Variants in DNM3 observed in about 807,000 individuals in gnomAD.
DNM3 encodes dynamin 3, also known as dynamin-3.
Under a neutral mutation model 101.6 loss-of-function variants are expected in DNM3, and 47 were observed. The observed-to-expected ratio is 0.46, with a 90% confidence interval of 0.37 to 0.59. The LOEUF is 0.59. DNM3 is among the 20% of genes least tolerant of loss of function. DNM3 has a pLI of 0.00. For missense variants in DNM3, 849 were observed against 1,085.7 expected, an observed-to-expected ratio of 0.78 and a Z score of 3.06; for synonymous variants, 385 against 387.9, an observed-to-expected ratio of 0.99 and a Z score of 0.09.
At chr1:172,304,867 G>A (rs1243173515) in intron 15 of DNM3, among the ~76,000 whole-genome samples, 1 of 152,084 alleles carries the variant, frequency 6.6e-6, no homozygotes, top group Non-Finnish European at 1.5e-5. Flanking sequence ...AGAATCTCTG[G>A]GACGCATTTA....
chr1:171,965,455 A>C (rs1170541981), intron 2 of DNM3, among the ~76,000 whole-genome samples: 1 of 151,028 alleles, frequency 6.6e-6, no homozygotes, highest in Non-Finnish European at 1.5e-5. Flanking sequence ...TGAAAGGCTG[A>C]GGTAGGAGGA....
intron 14 of DNM3, among the ~76,000 whole-genome samples, chr1:172,156,844 A>G (rs896556172): frequency 1.3e-5 from 2 of 152,106 alleles, no homozygotes; most frequent in Non-Finnish European, 2.9e-5. Flanking sequence ...TTAAGTTAGA[A>G]GACTTGATTC....
chr1:171,883,702 C>T (rs2036524276), intron 1 of DNM3, among the ~76,000 whole-genome samples: 1 of 152,100 alleles, frequency 6.6e-6, no homozygotes, highest in African/African-American at 2.4e-5. Context: ...GAACTCCTCA[C>T]CTTGTGATCT....
At chr1:172,416,217 G>A (rs556160740), downstream of DNM3, among the ~76,000 whole-genome samples, 1 of 152,264 alleles carries the variant, frequency 6.6e-6, no homozygotes, top group East Asian at 1.9e-4. Context: ...ATATGGGAGT[G>A]GCAATTGTAT....
chr1:172,122,916 C>T (rs16843874), intron 13 of DNM3, among the ~76,000 whole-genome samples: 1,617 of 152,206 alleles, frequency 0.011, 23 homozygotes, highest in African/African-American at 0.037. Flanking sequence ...ATGTTCCTTC[C>T]CTCACAGAAT....
chr1:172,357,708 A>T (rs2067523567), intron 17 of DNM3, among the ~76,000 whole-genome samples: 1 of 152,126 alleles, frequency 6.6e-6, no homozygotes, highest in African/African-American at 2.4e-5. Flanking sequence ...GTAAGATACT[A>T]ACATTCGAAG....
At chr1:171,931,719 T>C (rs894807391) in intron 2 of DNM3, among the ~76,000 whole-genome samples, 1 of 152,222 alleles carries the variant, frequency 6.6e-6, no homozygotes, top group Non-Finnish European at 1.5e-5. Flanking sequence ...TGTTTTATTG[T>C]ACCAATTCCA....
At chr1:172,200,527 C>T (rs1343360945) in intron 14 of DNM3, among the ~76,000 whole-genome samples, 1 of 152,150 alleles carries the variant, frequency 6.6e-6, no homozygotes, top group Admixed American at 6.5e-5. Context: ...CTCCTCTTCC[C>T]TTTCAGGGAT....
At chr1:172,389,900 G>A (rs1160039348) in intron 20 of DNM3, among the ~76,000 whole-genome samples, 1 of 152,212 alleles carries the variant, frequency 6.6e-6, no homozygotes, top group Non-Finnish European at 1.5e-5. Flanking sequence ...ATAGGCAGGA[G>A]ATTTGCAGTC....
chr1:172,344,126 A>G (rs759318109), intron 17 of DNM3, among the ~76,000 whole-genome samples: 54 of 152,228 alleles, frequency 3.5e-4, no homozygotes, highest in Non-Finnish European at 7.5e-4. Context: ...TCAAGTTTGA[A>G]AAATCAACAG....
intron 17 of DNM3, among the ~76,000 whole-genome samples, chr1:172,378,625 T>C (rs1325651946): frequency 6.6e-6 from 1 of 152,086 alleles, no homozygotes; most frequent in East Asian, 1.9e-4. Context: ...TTCTAATCTA[T>C]AGCTTCCCTG....
At chr1:171,956,033 G>A (rs1362631337) in intron 2 of DNM3, among the ~76,000 whole-genome samples, 1 of 152,154 alleles carries the variant, frequency 6.6e-6, no homozygotes, top group Non-Finnish European at 1.5e-5. Context: ...CCCATGACAT[G>A]TGGGAGTTGT....
At chr1:172,251,503 T>C (rs2062168382) in intron 14 of DNM3, among the ~76,000 whole-genome samples, 1 of 152,166 alleles carries the variant, frequency 6.6e-6, no homozygotes, top group African/African-American at 2.4e-5. Flanking sequence ...TTTAGCAATG[T>C]GTCCTCAAAG....
intron 2 of DNM3, among the ~76,000 whole-genome samples, chr1:171,960,279 C>T (rs1364657759): frequency 1.3e-5 from 2 of 152,034 alleles, no homozygotes; most frequent in Admixed American, 1.3e-4. Flanking sequence ...TTTAGATGGC[C>T]CTGCCAACAC....
intron 2 of DNM3, among the ~76,000 whole-genome samples, chr1:171,934,622 G>T (rs896941751): frequency 1.2e-4 from 18 of 152,176 alleles, no homozygotes; most frequent in African/African-American, 3.6e-4. Context: ...TTGACTCAGG[G>T]CTTCAGAACT....
At chr1:172,139,074 A>G in intron 14 of DNM3, 1 of 358,848 alleles carries the variant, frequency 2.8e-6, no homozygotes, top group South Asian at 2.1e-5. Context: ...TTATTCAGAA[A>G]GTACATTTAT....
chr1:172,312,900 T>C (rs893361949), intron 16 of DNM3, among the ~76,000 whole-genome samples: 2 of 152,240 alleles, frequency 1.3e-5, no homozygotes, highest in African/African-American at 4.8e-5. Context: ...TTCACCTTTC[T>C]GGATCCAAAG....
intron 14 of DNM3, among the ~76,000 whole-genome samples, chr1:172,223,330 C>T (rs1176570409): frequency 6.0e-5 from 9 of 149,730 alleles, no homozygotes. Flanking sequence ...TTTAATGGTA[C>T]CACCTCTCCA....
At chr1:172,257,170 A>T (rs2062438168) in intron 15 of DNM3, among the ~76,000 whole-genome samples, 1 of 152,092 alleles carries the variant, frequency 6.6e-6, no homozygotes, top group African/African-American at 2.4e-5. Flanking sequence ...CTTCATCTCA[A>T]ATAATTCCAA....
Sources: gnomAD v4.1 joint callset for allele counts (sites outside exome capture counted in the v4.1 genomes callset) on GRCh38, gnomAD v4.1.1 for gene constraint, MANE v1.5 for transcripts, NCBI Gene and HGNC (gene_info 2026-07-23, HGNC 2026-07-21) for gene names.